LRRC4C: variants seen among roughly 807,000 people sequenced by gnomAD.
LRRC4C encodes the protein leucine rich repeat containing 4C, also known as leucine-rich repeat-containing protein 4C.
A neutral mutation model predicts 33.6 loss-of-function variants in LRRC4C; 5 were observed. The observed-to-expected ratio is 0.15, with a 90% confidence interval of 0.08 to 0.31. LRRC4C has a LOEUF of 0.31. Ranked by LOEUF, LRRC4C falls within the 10% of genes least tolerant of loss-of-function variation. The pLI, the probability that LRRC4C is intolerant of heterozygous loss-of-function variation, is 1.00. For missense variants in LRRC4C, 560 were observed against 796.7 expected (o/e 0.70, Z 3.58); for synonymous variants, 329 against 302.0 (o/e 1.09, Z -0.93).
intron 1 of LRRC4C, among the ~76,000 whole-genome samples, chr11:41,250,526 T>C (rs953120987): frequency 3.3e-5 from 5 of 152,192 alleles, no homozygotes; most frequent in African/African-American, 9.6e-5. Context: ...TTATGAAATA[T>C]TGATTTAGAG....
intron 1 of LRRC4C, among the ~76,000 whole-genome samples, chr11:41,389,022 A>T (rs1028613531): frequency 2.6e-5 from 4 of 152,032 alleles, no homozygotes; most frequent in African/African-American, 9.6e-5. Flanking sequence ...CAGTCTGGCT[A>T]GGAAGGGATA....
At chr11:41,362,370 A>G (rs969133917) in intron 1 of LRRC4C, among the ~76,000 whole-genome samples, 3 of 152,190 alleles carry the variant, frequency 2.0e-5, no homozygotes, top group Non-Finnish European at 1.5e-5. Context: ...AAGGAAATAA[A>G]GGTAAAAAGG....
intron 3 of LRRC4C, among the ~76,000 whole-genome samples, chr11:40,355,718 T>A (rs1053230426): frequency 1.2e-4 from 19 of 152,104 alleles, no homozygotes; most frequent in African/African-American, 4.6e-4. Flanking sequence ...TATAGGCAAT[T>A]CAAGACTTTC....
intron 1 of LRRC4C, among the ~76,000 whole-genome samples, chr11:41,176,193 A>G (rs1248091765): frequency 1.3e-5 from 2 of 152,204 alleles, no homozygotes; most frequent in African/African-American, 4.8e-5. Flanking sequence ...TTGAATAAAT[A>G]TATGATATTT....
intron 1 of LRRC4C, among the ~76,000 whole-genome samples, chr11:41,015,489 T>G (rs923243503): frequency 1.3e-5 from 2 of 152,008 alleles, no homozygotes; most frequent in Admixed American, 1.3e-4. Context: ...CCAGTCTGTA[T>G]TTTTAGGAGA....
intron 5 of LRRC4C, among the ~76,000 whole-genome samples, chr11:40,166,632 A>C (rs946173186): frequency 6.6e-6 from 1 of 152,174 alleles, no homozygotes; most frequent in Non-Finnish European, 1.5e-5. Context: ...TCAGGCAACT[A>C]TGATGATCGA....
chr11:41,389,251 G>A (rs1266619234), intron 1 of LRRC4C, among the ~76,000 whole-genome samples: 1 of 151,792 alleles, frequency 6.6e-6, no homozygotes, highest in African/African-American at 2.4e-5. Flanking sequence ...ATGCTGTGGT[G>A]TAAGTACCCT....
At chr11:40,274,572 C>T (rs1322350362) in intron 4 of LRRC4C, among the ~76,000 whole-genome samples, 1 of 151,710 alleles carries the variant, frequency 6.6e-6, no homozygotes, top group Non-Finnish European at 1.5e-5. Flanking sequence ...CAAGAAGTGG[C>T]AAAGAAAGGA....
chr11:41,256,671 T>C (rs1396870605), intron 1 of LRRC4C, among the ~76,000 whole-genome samples: 1 of 152,032 alleles, frequency 6.6e-6, no homozygotes, highest in Non-Finnish European at 1.5e-5. Flanking sequence ...TTCATTAACA[T>C]TAAAATAACC....
intron 5 of LRRC4C, among the ~76,000 whole-genome samples, chr11:40,235,613 C>A (rs1865500103): frequency 6.6e-6 from 1 of 152,116 alleles, no homozygotes; most frequent in Non-Finnish European, 1.5e-5. Flanking sequence ...AAATAAGATA[C>A]AAGTCGTGAA....
intron 3 of LRRC4C, among the ~76,000 whole-genome samples, chr11:40,455,665 A>G (rs1952097474): frequency 6.6e-6 from 1 of 152,166 alleles, no homozygotes; most frequent in Admixed American, 6.6e-5. Context: ...CCCTGGGCAC[A>G]TTCTCTTTTT....
intron 2 of LRRC4C, among the ~76,000 whole-genome samples, chr11:40,769,437 C>T (rs993433932): frequency 2.0e-5 from 3 of 151,986 alleles, no homozygotes; most frequent in Admixed American, 6.6e-5. Flanking sequence ...GCAATCTCTA[C>T]CAAAACACCA....
At chr11:40,711,149 C>T (rs556322565) in intron 2 of LRRC4C, among the ~76,000 whole-genome samples, 3 of 152,186 alleles carry the variant, frequency 2.0e-5, no homozygotes, top group Non-Finnish European at 2.9e-5. Context: ...TTTCGCTTCC[C>T]GGGTGAAGTG....
At chr11:40,139,386 A>G (rs1362104610) in intron 6 of LRRC4C, among the ~76,000 whole-genome samples, 5 of 152,348 alleles carry the variant, frequency 3.3e-5, no homozygotes, top group African/African-American at 4.8e-5. Context: ...GGACAATACT[A>G]TCATCATACT....
At chr11:40,834,249 A>G (rs912080641) in intron 2 of LRRC4C, among the ~76,000 whole-genome samples, 3 of 152,078 alleles carry the variant, frequency 2.0e-5, no homozygotes, top group Non-Finnish European at 2.9e-5. Context: ...TGAGGTGGGC[A>G]GGTCACAAGG....
At chr11:41,348,012 T>C (rs1269254311) in intron 1 of LRRC4C, among the ~76,000 whole-genome samples, 1 of 152,220 alleles carries the variant, frequency 6.6e-6, no homozygotes, top group Non-Finnish European at 1.5e-5. Context: ...CTGTTGATCA[T>C]TGTCTGACTA....
intron 1 of LRRC4C, among the ~76,000 whole-genome samples, chr11:41,379,810 C>T (rs2137876357): frequency 6.6e-6 from 1 of 152,194 alleles, no homozygotes; most frequent in South Asian, 2.1e-4. Context: ...AATAATTAAA[C>T]AAGATCTATG....
chr11:41,350,351 A>G (rs1951937550), intron 1 of LRRC4C, among the ~76,000 whole-genome samples: 1 of 151,986 alleles, frequency 6.6e-6, no homozygotes, highest in South Asian at 2.1e-4. Flanking sequence ...TCCACTAAAA[A>G]CACAAAAAAT....
chr11:40,438,493 C>CA (rs1485094666), intron 3 of LRRC4C, among the ~76,000 whole-genome samples: 1 of 152,188 alleles, frequency 6.6e-6, no homozygotes. Context: ...TCCAGGAGGG[C>CA]AGGGACATTT....
Sources: gnomAD v4.1 joint callset for allele counts (sites outside exome capture counted in the v4.1 genomes callset) on GRCh38, gnomAD v4.1.1 for gene constraint, MANE v1.5 for transcripts, NCBI Gene and HGNC (gene_info 2026-07-23, HGNC 2026-07-21) for gene names.